Variants in COL4A4 observed in about 807,000 individuals in gnomAD.
The protein encoded by COL4A4 is collagen alpha-4(IV) chain.
A neutral mutation model predicts 192.9 loss-of-function variants in COL4A4; 105 were observed. The observed-to-expected ratio is 0.54, with a 90% CI of 0.46 to 0.64. The LOEUF is 0.64. COL4A4 is among the 30% of genes least tolerant of loss of function. The pLI is 0.00. For synonymous variants in COL4A4, 762 were observed against 769.9 expected (o/e 0.99, Z 0.17); for missense variants, 1,967 against 2,169.3 (o/e 0.91, Z 1.85).
intron 25 of COL4A4, 76 bp downstream of exon 25, chr2:227,077,818 A>G (rs1243658096): frequency 1.5e-6 from 2 of 1,331,608 alleles, no homozygotes; most frequent in African/African-American, 2.9e-5. Context: ...TCACCACTAT[A>G]TAATTCTTCC....
At chr2:227,158,054 A>T (rs1158156545) in intron 1 of COL4A4, among the ~76,000 whole-genome samples, 2 of 152,154 alleles carry the variant, frequency 1.3e-5, no homozygotes, top group African/African-American at 4.8e-5. Context: ...AATGACCTAG[A>T]ATAGCCTAAG....
At chr2:227,143,724 C>T (rs2063369374) in intron 3 of COL4A4, among the ~76,000 whole-genome samples, 1 of 152,140 alleles carries the variant, frequency 6.6e-6, no homozygotes, top group South Asian at 2.1e-4. Context: ...CTCATTATTT[C>T]AGGTGATACT....
intron 25 of COL4A4, among the ~76,000 whole-genome samples, chr2:227,076,406 A>AT (rs1443969291): frequency 3.3e-5 from 5 of 152,230 alleles, no homozygotes; most frequent in African/African-American, 1.2e-4. Context: ...TCCCTATTTA[A>AT]TTAATGGTGT....
intron 37 of COL4A4, among the ~76,000 whole-genome samples, chr2:227,036,084 TAG>T (rs1969605890): frequency 6.6e-6 from 1 of 152,218 alleles, no homozygotes; most frequent in Non-Finnish European, 1.5e-5. Context: ...GAGAGGCAAT[TAG>T]GCTAACAAAG....
At chr2:227,101,688 A>T in intron 16 of COL4A4, 131 bp from the exon 17 acceptor site, 2 of 1,091,072 alleles carry the variant, frequency 1.8e-6, no homozygotes. Flanking sequence ...CATCAGTTGC[A>T]TCAGACAATC....
intron 12 of COL4A4, among the ~76,000 whole-genome samples, chr2:227,107,070 C>T (rs1576555847): frequency 6.6e-6 from 1 of 152,280 alleles, no homozygotes; most frequent in African/African-American, 2.4e-5. Flanking sequence ...CACACGGGCT[C>T]CTGTGGCTTC....
chr2:227,156,371 T>C (rs1882436), intron 1 of COL4A4, among the ~76,000 whole-genome samples: 14,427 of 144,066 alleles, frequency 0.1, 1,803 homozygotes, highest in African/African-American at 0.3. Flanking sequence ...GCAGCCAACC[T>C]AGGTGACACA....
intron 44 of COL4A4, among the ~76,000 whole-genome samples, 194 bp from the exon 45 acceptor site, chr2:227,012,491 T>G (rs1469363642): frequency 2.0e-5 from 3 of 152,094 alleles, no homozygotes; most frequent in Non-Finnish European, 4.4e-5. Context: ...TTGGCGTAAC[T>G]GGGGCCCCGA....
chr2:227,000,265 CCCAGA>C (rs1317581001), downstream of COL4A4, among the ~76,000 whole-genome samples: 2 of 152,198 alleles, frequency 1.3e-5, no homozygotes, highest in Non-Finnish European at 2.9e-5. Flanking sequence ...ACTCCTGCTC[CCCAGA>C]CCAAATGATC....
At chr2:227,061,088 TATAAATC>T (rs754168543) in intron 26 of COL4A4, among the ~76,000 whole-genome samples, 4 of 152,190 alleles carry the variant, frequency 2.6e-5, no homozygotes, top group Non-Finnish European at 5.9e-5. Flanking sequence ...TAAAATAACT[TATAAATC>T]ATAAACTTCA....
chr2:227,112,044 C>T (rs965914297), intron 8 of COL4A4, among the ~76,000 whole-genome samples: 1 of 152,116 alleles, frequency 6.6e-6, no homozygotes, highest in Non-Finnish European at 1.5e-5. Context: ...TCTTTCCACA[C>T]CTTGCTATGC....
chr2:227,092,461 C>T (rs939060614), intron 20 of COL4A4, among the ~76,000 whole-genome samples: 3 of 152,026 alleles, frequency 2.0e-5, no homozygotes, highest in Admixed American at 6.6e-5. Context: ...AGTATTCTGG[C>T]AACAAATTAA....
chr2:227,108,939 C>A (rs2061016863), intron 10 of COL4A4, 71 bp from the exon 11 acceptor site: 1 of 1,443,706 alleles, frequency 6.9e-7, no homozygotes, highest in Admixed American at 1.7e-5. Flanking sequence ...TCTTTTGTTA[C>A]CCCAAAATAG....
chr2:226,996,690 A>C, the COL4A4 span: 3 of 152,194 alleles, frequency 2.0e-5, no homozygotes, highest in Non-Finnish European at 4.4e-5. Flanking sequence ...AATATACCCA[A>C]ATCTTAGCAG....
At position 227,008,062 on chromosome 2, in the gene COL4A4, G is replaced by A; in HGVS notation, c.4765C>T (p.Pro1589Ser). Residue 1589 changes from proline to serine, a missense_variant, in exon 47 of 48, where the codon CCG becomes TCG. Coordinates refer to ENST00000396625, the MANE Select transcript of COL4A4 (RefSeq NM_000092.5). ...HSQDQSIPPC[P>S]QTWRSLWIGY... Reference sequence around the variant, plus strand: ...ATCCAGAGGCTCCTCCAGGTCTGCGGACATGGGGGGATGGACTGGTCCTGG... The same window carrying A: ...ATCCAGAGGCTCCTCCAGGTCTGCGAACATGGGGGGATGGACTGGTCCTGG... 1.2e-6 allele frequency: 2 copies of A among 1,613,904 alleles called. No homozygotes were observed. Among genetic ancestry groups the A allele is most frequent in the Non-Finnish European group, 8.5e-7 (1 of 1,180,016 alleles).
chr2:227,075,341 A>C (rs1053186711), intron 25 of COL4A4, among the ~76,000 whole-genome samples: 4 of 152,206 alleles, frequency 2.6e-5, no homozygotes, highest in Non-Finnish European at 4.4e-5. Context: ...CAACATATGC[A>C]AATCAATAAA....
At chr2:227,155,118 T>A (rs112740431) in intron 1 of COL4A4, among the ~76,000 whole-genome samples, 8 of 152,302 alleles carry the variant, frequency 5.3e-5, no homozygotes, top group African/African-American at 1.9e-4. Context: ...CTCAACTAAA[T>A]TCTTGAGAAT....
At chr2:226,997,339 T>G in the COL4A4 span, 1 of 152,240 alleles carries the variant, frequency 6.6e-6, no homozygotes, top group Non-Finnish European at 1.5e-5. Flanking sequence ...AGAAGTAACT[T>G]CTTTGTTTCA....
At chr2:227,115,590 A>AT (rs111679112) in intron 7 of COL4A4, among the ~76,000 whole-genome samples, 5,291 of 152,170 alleles carry the variant, frequency 0.035, 303 homozygotes, top group African/African-American at 0.12. Flanking sequence ...AATTCTTAAT[A>AT]TATCTTCTCT....
Sources: gnomAD v4.1 joint callset for allele counts (sites outside exome capture counted in the v4.1 genomes callset) on GRCh38, gnomAD v4.1.1 for gene constraint, MANE v1.5 for transcripts, NCBI Gene and HGNC (gene_info 2026-07-23, HGNC 2026-07-21) for gene names.